Variants in TNS3 observed in about 807,000 individuals in gnomAD.
TNS3 encodes tensin 3, also known as tensin-3.
TNS3 carries 45 observed loss-of-function variants against 140.9 expected under a neutral mutation model. That is an observed-to-expected ratio of 0.32 (90% CI 0.25 to 0.41). The LOEUF (loss-of-function observed/expected upper bound fraction) is 0.41. Ranked by LOEUF, TNS3 falls within the 10% of genes least tolerant of loss-of-function variation. TNS3 has a pLI of 1.00. For synonymous variants in TNS3, 815 were observed against 788.4 expected, an observed-to-expected ratio of 1.03 and a Z score of -0.56; for missense variants, 1,716 against 1,906.7, an observed-to-expected ratio of 0.90 and a Z score of 1.86.
intron 2 of TNS3, among the ~76,000 whole-genome samples, chr7:47,524,582 C>T (rs1218075942): frequency 6.6e-6 from 1 of 150,482 alleles, no homozygotes; most frequent in Non-Finnish European, 1.5e-5. Flanking sequence ...GCGGGTGGAT[C>T]ATGAGGTCAG....
At chr7:47,380,770 G>A (rs3801083) in intron 16 of TNS3, among the ~76,000 whole-genome samples, 37,445 of 150,408 alleles carry the variant, frequency 0.25, 4,921 homozygotes, top group African/African-American at 0.34. Flanking sequence ...GCACGCGCGC[G>A]CACACACACA....
At chr7:47,370,833 C>G (rs1236315999) in intron 16 of TNS3, among the ~76,000 whole-genome samples, 2 of 152,350 alleles carry the variant, frequency 1.3e-5, no homozygotes, top group Non-Finnish European at 2.9e-5. Context: ...GTCACTGAGC[C>G]TGGCCCAGGA....
intron 20 of TNS3, among the ~76,000 whole-genome samples, chr7:47,344,183 CAGA>C (rs1452585951): frequency 1.3e-5 from 2 of 152,192 alleles, no homozygotes; most frequent in African/African-American, 2.4e-5. Context: ...CAAGTCCACC[CAGA>C]AGAAGTGCAC....
chr7:47,331,334 C>T (rs184889266), intron 20 of TNS3, among the ~76,000 whole-genome samples: 1 of 152,264 alleles, frequency 6.6e-6, no homozygotes, highest in Admixed American at 6.5e-5. Flanking sequence ...CTGAGAATTA[C>T]GTGCTGGCCA....
At chr7:47,488,759 A>C (rs1797702908) in intron 3 of TNS3, among the ~76,000 whole-genome samples, 1 of 152,004 alleles carries the variant, frequency 6.6e-6, no homozygotes. Context: ...TCGACACAGA[A>C]CGTTCTGGGC....
intron 4 of TNS3, among the ~76,000 whole-genome samples, chr7:47,470,225 G>A (rs1181919325): frequency 1.3e-5 from 2 of 152,124 alleles, no homozygotes; most frequent in African/African-American, 2.4e-5. Context: ...AGGAGAGTGG[G>A]AGAGGGACGT....
intron 30 of TNS3, 83 bp downstream of exon 30, chr7:47,280,081 C>T: frequency 6.6e-7 from 1 of 1,526,098 alleles, no homozygotes; most frequent in South Asian, 1.2e-5. Flanking sequence ...ATAAGGCACC[C>T]CCTGTGCAAA....
At chr7:47,345,195 C>T (rs1789263957) in intron 18 of TNS3, among the ~76,000 whole-genome samples, 157 bp from the exon 19 acceptor site, 1 of 152,154 alleles carries the variant, frequency 6.6e-6, no homozygotes, top group Admixed American at 6.5e-5. Context: ...CTGCACAAAA[C>T]CAGCCCGCCT....
intron 21 of TNS3, among the ~76,000 whole-genome samples, 179 bp downstream of exon 21, chr7:47,304,653 G>A (rs1424059533): frequency 1.3e-5 from 2 of 152,066 alleles, no homozygotes; most frequent in Non-Finnish European, 2.9e-5. Flanking sequence ...CCTGTCCCCG[G>A]CGGTAGCAGT....
chr7:47,326,067 G>A (rs1036319653), intron 20 of TNS3, among the ~76,000 whole-genome samples: 1 of 152,200 alleles, frequency 6.6e-6, no homozygotes, highest in African/African-American at 2.4e-5. Flanking sequence ...AATGTCAACA[G>A]CTTTTAAATC....
chr7:47,411,716 C>A lies in TNS3; in HGVS notation c.723+11G>T. 2 of 1,607,244 alleles carry A rather than the reference C, an allele frequency of 1.2e-6. No individual in the cohort carries two copies. The highest frequency in any genetic ancestry group is 1.7e-6 in the Non-Finnish European group (2 of 1,176,712). ...GACACCAACCCATCTGCGGCCACAG[C>A]GGGCACTCACCATGACATCTCCCTT... On this transcript the variant is annotated intron_variant, in intron 13 of 30. Transcript: ENST00000311160.
intron 1 of TNS3, among the ~76,000 whole-genome samples, chr7:47,564,028 C>T (rs1364623431): frequency 3.0e-5 from 3 of 99,834 alleles, no homozygotes; most frequent in Admixed American, 2.0e-4. Flanking sequence ...CCCGTCTCTA[C>T]TAAAAATACA....
intron 20 of TNS3, among the ~76,000 whole-genome samples, chr7:47,325,647 G>A (rs1787987294): frequency 6.6e-6 from 1 of 152,180 alleles, no homozygotes; most frequent in East Asian, 1.9e-4. Flanking sequence ...TCTGTTTACA[G>A]TCCCTCCTGA....
chr7:47,346,792 G>C (rs1789371567), intron 17 of TNS3, among the ~76,000 whole-genome samples: 1 of 152,220 alleles, frequency 6.6e-6, no homozygotes, highest in African/African-American at 2.4e-5. Context: ...CGGTGACCTT[G>C]GGCAGAGCAT....
At chr7:47,563,710 T>A (rs1800364310) in intron 1 of TNS3, among the ~76,000 whole-genome samples, 1 of 152,208 alleles carries the variant, frequency 6.6e-6, no homozygotes, top group Non-Finnish European at 1.5e-5. Context: ...AGGACACTGT[T>A]GGTGGCTTTT....
intron 4 of TNS3, among the ~76,000 whole-genome samples, chr7:47,442,795 G>A (rs1031608690): frequency 6.6e-6 from 1 of 152,126 alleles, no homozygotes; most frequent in Non-Finnish European, 1.5e-5. Flanking sequence ...AGACCCCCGA[G>A]TTGGGGGGAC....
chr7:47,555,392 A>C (rs1208772938), intron 1 of TNS3, among the ~76,000 whole-genome samples: 1 of 139,752 alleles, frequency 7.2e-6, no homozygotes, highest in Non-Finnish European at 1.6e-5. Context: ...CAAGAGCAAG[A>C]CTTTGTCTCA....
intron 3 of TNS3, among the ~76,000 whole-genome samples, chr7:47,485,607 A>T (rs1562794711): frequency 6.6e-6 from 1 of 152,234 alleles, no homozygotes; most frequent in East Asian, 1.9e-4. Flanking sequence ...GCAGTGGGTC[A>T]TGGGCTGTGG....
At chr7:47,354,373 C>T (rs1387853016) in intron 17 of TNS3, among the ~76,000 whole-genome samples, 2 of 152,058 alleles carry the variant, frequency 1.3e-5, no homozygotes, top group African/African-American at 4.8e-5. Context: ...CCCAACGTAC[C>T]CCTTCTCAGA....
Sources: allele counts gnomAD v4.1 joint callset (sites outside exome capture counted in the v4.1 genomes callset), GRCh38; gene constraint gnomAD v4.1.1; transcripts MANE v1.5; gene names NCBI Gene and HGNC (gene_info 2026-07-23, HGNC 2026-07-21).